The following ZFHX3 variants were observed in gnomAD, a reference collection of about 807,000 sequenced individuals.
ZFHX3 encodes zinc finger homeobox 3, also known as zinc finger homeobox protein 3.
A neutral mutation model predicts 279.1 loss-of-function variants in ZFHX3; 42 were observed. That is an observed-to-expected ratio of 0.15 (90% CI 0.12 to 0.19). The LOEUF is 0.19. ZFHX3 is among the 10% of genes least tolerant of loss of function. ZFHX3 has a pLI of 1.00. For synonymous variants in ZFHX3, 2,293 were observed against 1,957.8 expected (o/e 1.17, Z -4.52); for missense variants, 4,981 against 4,754.0 (o/e 1.05, Z -1.40).
intron 2 of ZFHX3, among the ~76,000 whole-genome samples, chr16:73,591,692 CAAAAAAAAAAAAAAAAA>C (rs57402211): frequency 3.0e-5 from 1 of 33,440 alleles, no homozygotes; most frequent in African/African-American, 9.6e-5. Flanking sequence ...GACTCTGTCT[CAAAAAAAAAAAAAAAAA>C]AAAAAAAAAG....
intron 3 of ZFHX3, among the ~76,000 whole-genome samples, chr16:73,433,382 T>C (rs1567482696): frequency 6.6e-6 from 1 of 152,116 alleles, no homozygotes; most frequent in Non-Finnish European, 1.5e-5. Flanking sequence ...AATTTGAATA[T>C]CATTTGCATC....
intron 1 of ZFHX3, among the ~76,000 whole-genome samples, chr16:73,803,549 T>C (rs1960194318): frequency 6.6e-6 from 1 of 152,194 alleles, no homozygotes. Context: ...AGAACAGAAG[T>C]AAAAGCACAA....
chr16:72,968,460 CTT>C (rs56294114), intron 1 of ZFHX3, among the ~76,000 whole-genome samples: 15,693 of 123,242 alleles, frequency 0.13, 819 homozygotes, highest in African/African-American at 0.22. Context: ...TGTTAATTTC[CTT>C]TTTTTTTTTT....
chr16:73,471,875 G>C (rs2018674626), intron 2 of ZFHX3, among the ~76,000 whole-genome samples: 2 of 152,152 alleles, frequency 1.3e-5, no homozygotes. Flanking sequence ...GCAGCATTCT[G>C]AGACATCTGA....
chr16:73,782,883 A>C (rs977685459), intron 1 of ZFHX3, among the ~76,000 whole-genome samples: 16 of 152,362 alleles, frequency 1.1e-4, no homozygotes, highest in African/African-American at 3.6e-4. Context: ...TGTTGTGTTA[A>C]GCTTCTGCAA....
rs539106022 is a variant in ZFHX3 at position 73,736,264 on chromosome 16, C to A, written c.-1607-56024G>T. On this transcript the variant is annotated intron_variant, in intron 1 of 17. Transcript: ENST00000641206. ...CTCTCCAACTGCTGATCTGACTCAC[C>A]AATGGCTACTTTAGTTTCAAAACTA... Among the ~76,000 whole-genome samples the A allele has an allele frequency of 2.0e-5, 3 of 152,300 alleles. No homozygotes were observed. In the South Asian group the frequency reaches 6.2e-4, roughly 32 times the overall value.
chr16:72,797,061 G>A lies in ZFHX3; in HGVS notation c.5621C>T (p.Pro1874Leu), dbSNP rs1322368403. The change falls in exon 9 of 10, where the codon CCC becomes CTC. Residue 1874 changes from proline (P) to leucine (L), a missense_variant. By Grantham distance (98) the Pro-to-Leu change is moderately conservative. This residue lies in a region of ZFHX3 where 1,751 missense variants were observed against 1,770.0 expected (regional missense o/e 0.99). Transcript: ENST00000268489. ...GATGACCAATTTGTTCTTCTTTTCG[G>A]GGTGCTGGCTTGGCTGAAGGAGGGC... ...HSALLQPSQH[P>L]EKKNKLVIKE... The A allele has an allele frequency of 6.2e-7, 1 of 1,613,804 alleles. No homozygotes were observed. Among genetic ancestry groups the A allele is most frequent in the Non-Finnish European group, 8.5e-7 (1 of 1,180,020 alleles).
intron 4 of ZFHX3, among the ~76,000 whole-genome samples, chr16:73,291,044 C>A (rs2014755736): frequency 6.6e-6 from 1 of 152,194 alleles, no homozygotes; most frequent in African/African-American, 2.4e-5. Flanking sequence ...CACATTCTAG[C>A]CAATCAAGTT....
intron 3 of ZFHX3, among the ~76,000 whole-genome samples, chr16:73,406,789 G>A (rs932396573): frequency 6.6e-6 from 1 of 152,140 alleles, no homozygotes; most frequent in African/African-American, 2.4e-5. Context: ...GGTATTAGTG[G>A]CATGAAGATG....
At chr16:72,947,618 C>T (rs1960755639) in intron 3 of ZFHX3, among the ~76,000 whole-genome samples, 1 of 152,082 alleles carries the variant, frequency 6.6e-6, no homozygotes, top group Non-Finnish European at 1.5e-5. Context: ...AAGCCACATA[C>T]ATCACTGCCA....
rs1372341849 is a variant in ZFHX3 at position 72,786,452 on chromosome 16, T to C, written c.*712A>G. The C allele has an allele frequency of 6.6e-6, 1 of 151,608 alleles. No homozygotes were observed. The highest frequency in any genetic ancestry group is 1.5e-5 in the Non-Finnish European group (1 of 67,802). The allele number at this position is 151,608 out of a possible 1,614,324, so 9.4% of individuals were successfully genotyped here. On this transcript the variant is annotated 3_prime_UTR_variant, in exon 10 of 10. Coordinates refer to ENST00000268489, the MANE Select transcript of ZFHX3 (RefSeq NM_006885.4). ...TTTTGAAAGTGGGAGTGCTTAACTT[T>C]TCCCCTTGAAATTGGCTTCAGCAGA...
intron 1 of ZFHX3, among the ~76,000 whole-genome samples, chr16:73,720,437 A>G (rs150750340): frequency 3.8e-4 from 58 of 152,340 alleles, no homozygotes; most frequent in African/African-American, 1.3e-3. Flanking sequence ...TTCCGTAGCT[A>G]ACTGTTAAAT....
intron 7 of ZFHX3, among the ~76,000 whole-genome samples, chr16:72,808,446 C>G (rs902130008): frequency 6.6e-6 from 1 of 152,190 alleles, no homozygotes; most frequent in African/African-American, 2.4e-5. Flanking sequence ...GACAGCCATG[C>G]CATAACTCCA....
chr16:73,714,880 G>A (rs1597078604), intron 1 of ZFHX3, among the ~76,000 whole-genome samples: 1 of 152,086 alleles, frequency 6.6e-6, no homozygotes, highest in African/African-American at 2.4e-5. Flanking sequence ...TATTAGTCCT[G>A]CTCCCGCTCA....
At chr16:73,849,792 G>A (rs1053580139) in intron 1 of ZFHX3, among the ~76,000 whole-genome samples, 4 of 152,196 alleles carry the variant, frequency 2.6e-5, no homozygotes, top group African/African-American at 9.6e-5. Flanking sequence ...GAGTACGATG[G>A]CGTGATCTCA....
intron 2 of ZFHX3, among the ~76,000 whole-genome samples, chr16:73,604,742 GAAA>G (rs35492989): frequency 1.2e-4 from 17 of 138,550 alleles, no homozygotes; most frequent in Admixed American, 5.1e-4. Flanking sequence ...GAGACTCCGT[GAAA>G]AAAAAAAAAA....
chr16:73,796,276 C>A (rs1043756056), intron 1 of ZFHX3: 15 of 152,158 alleles, frequency 9.9e-5, no homozygotes, highest in Non-Finnish European at 1.9e-4. Context: ...GTCTAAAAGA[C>A]AGATGCAAAG....
Position 72,889,939 on chromosome 16 carries a change from A to G in ZFHX3, c.3240T>C (p.Gly1080=), listed in dbSNP as rs770778911. ...GGTAGTAGCAGCTCTCACCTTCTAC[A>G]CCACTCTCATGCTGCTGCAGGTGCT... is the stretch of plus-strand genomic sequence containing the variant. ...LYKHLQQHES[G]VEGESCYYHC... is the part of the protein sequence containing the mutation. Residue 1080 remains glycine, a synonymous_variant, in exon 4 of 10, where the codon GGT becomes GGC. Coordinates refer to ENST00000268489, the MANE Select transcript of ZFHX3 (RefSeq NM_006885.4). 6.2e-7 allele frequency: 1 copy of G among 1,613,864 alleles called. No homozygotes were observed. The highest frequency in any genetic ancestry group is 1.7e-5 in the Admixed American group (1 of 60,002).
At chr16:73,477,461 A>C (rs2018784206) in intron 2 of ZFHX3, among the ~76,000 whole-genome samples, 1 of 152,234 alleles carries the variant, frequency 6.6e-6, no homozygotes, top group Non-Finnish European at 1.5e-5. Flanking sequence ...TGCAAATGTC[A>C]ATTATATAAT....
Sources: allele counts gnomAD v4.1 joint callset (sites outside exome capture counted in the v4.1 genomes callset), GRCh38; gene constraint gnomAD v4.1.1; regional missense constraint gnomAD v4.1.1; transcripts MANE v1.5; gene names NCBI Gene and HGNC (gene_info 2026-07-23, HGNC 2026-07-21).